SDHB: variants seen among roughly 807,000 people sequenced by gnomAD.
SDHB encodes the protein succinate dehydrogenase [ubiquinone] iron-sulfur subunit, mitochondrial.
SDHB carries 21 observed loss-of-function variants against 39.7 expected under a neutral mutation model. The ratio of observed to expected loss-of-function variants is 0.53; its 90% CI spans 0.37 to 0.76. SDHB has a LOEUF of 0.76. Among genes scored for constraint, SDHB ranks in the 30% least tolerant of loss-of-function variants. The pLI is 0.00. For missense variants in SDHB, 343 were observed against 350.9 expected, an observed-to-expected ratio of 0.98 and a Z score of 0.18; for synonymous variants, 118 against 117.0, an observed-to-expected ratio of 1.01 and a Z score of -0.06.
chr1:17,047,185 G>A (rs1356631513), intron 1 of SDHB, among the ~76,000 whole-genome samples: 1 of 151,878 alleles, frequency 6.6e-6, no homozygotes, highest in Non-Finnish European at 1.5e-5. Context: ...GTGAAACTCC[G>A]TCTCTACTAA....
At chr1:17,022,997 A>C in intron 6 of SDHB, 1 of 418,466 alleles carries the variant, frequency 2.4e-6, no homozygotes, top group Non-Finnish European at 4.5e-6. Flanking sequence ...TCATCTCCTA[A>C]TTATTTCACA....
intron 1 of SDHB, among the ~76,000 whole-genome samples, chr1:17,050,477 C>T (rs1373668563): frequency 6.6e-6 from 1 of 151,758 alleles, no homozygotes; most frequent in East Asian, 1.9e-4. Context: ...GGTGAAACCC[C>T]GTCTCTACTA....
chr1:17,020,999 C>G (rs1004471781), intron 7 of SDHB, among the ~76,000 whole-genome samples: 2 of 152,252 alleles, frequency 1.3e-5, no homozygotes, highest in Non-Finnish European at 2.9e-5. Flanking sequence ...TTGCCGCCCA[C>G]TGACTCACTG....
At chr1:17,033,870 T>C (rs2078035520) in intron 2 of SDHB, among the ~76,000 whole-genome samples, 3 of 152,260 alleles carry the variant, frequency 2.0e-5, no homozygotes, top group African/African-American at 7.2e-5. Flanking sequence ...ATATAAATCA[T>C]AGTTTAACTA....
intron 2 of SDHB, among the ~76,000 whole-genome samples, chr1:17,038,788 T>G (rs2078063222): frequency 6.6e-6 from 1 of 152,244 alleles, no homozygotes; most frequent in African/African-American, 2.4e-5. Context: ...TAATTCAAAT[T>G]CCTTATAGTT....
intron 2 of SDHB, 80 bp from the exon 3 acceptor site, chr1:17,033,225 TG>T: frequency 9.1e-7 from 1 of 1,095,582 alleles, no homozygotes; most frequent in Non-Finnish European, 1.4e-6. Context: ...CGGAGACACC[TG>T]GATGTATTAG....
At chr1:17,022,881 A>T in intron 6 of SDHB, 151 bp from the exon 7 acceptor site, 4 of 1,007,658 alleles carry the variant, frequency 4.0e-6, no homozygotes, top group Non-Finnish European at 5.9e-6. Flanking sequence ...TCCATCTTTC[A>T]AGGAAAGGTT....
In SDHB at chr1:17,022,648, C is replaced by T. The variant is rs74315368; in HGVS notation, c.725G>A (p.Arg242His). The change falls in exon 7 of 8, where the codon CGC becomes CAC. Residue 242 changes from arginine (R) to histidine (H), a missense_variant. Coordinates refer to ENST00000375499, the MANE Select transcript of SDHB (RefSeq NM_003000.3). ...AKLQDPFSLYRCHTIMNCTRT... is the reference protein window; with the variant it reads ...AKLQDPFSLYHCHTIMNCTRT... ...TGTGCAGTTCATGATGGTGTGGCAGCGGTATAGAGAGAATGGGTCCTGCAG... is the reference window on the plus strand; with the variant it reads ...TGTGCAGTTCATGATGGTGTGGCAGTGGTATAGAGAGAATGGGTCCTGCAG... 1.1e-5 allele frequency: 18 copies of T among 1,613,846 alleles called. No homozygotes were observed. Among genetic ancestry groups the T allele is most frequent in the African/African-American group, 4.0e-5 (3 of 74,910 alleles).
rs2101521469 is a variant in SDHB, at chr1:17,027,718, C to T, written c.540+31G>A. 7.9e-7 allele frequency: 1 copy of T among 1,261,764 alleles called. No homozygotes were observed. Among genetic ancestry groups the T allele is most frequent in the Non-Finnish European group, 1.2e-6 (1 of 858,380 alleles). 78.2% of individuals were successfully genotyped at this position (1,261,764 alleles called of 1,614,324 possible). A position where few individuals can be genotyped will look rare whatever the true frequency, so the allele number is the denominator to read the frequency against. On this transcript the variant is annotated intron_variant, in intron 5 of 7. Coordinates refer to ENST00000375499, the MANE Select transcript of SDHB (RefSeq NM_003000.3). ...GCAATCATCTTTGCAATAAATTCTT[C>T]AGATTGAAACAATAAATAGGGACTA... is the stretch of plus-strand genomic sequence containing the variant.
At chr1:17,023,165 CT>C (rs1276316750) in intron 6 of SDHB, 1 of 300,052 alleles carries the variant, frequency 3.3e-6, no homozygotes, top group Admixed American at 4.6e-5. Context: ...ATTTGTCCCA[CT>C]TAATGATTCT....
chr1:17,019,670 C>G (rs567208683), intron 7 of SDHB, among the ~76,000 whole-genome samples: 21 of 151,764 alleles, frequency 1.4e-4, no homozygotes, highest in South Asian at 1.0e-3. Flanking sequence ...AAGTCTACCC[C>G]CCTAAAAAAG....
intron 3 of SDHB, among the ~76,000 whole-genome samples, chr1:17,029,894 C>T (rs1316545302): frequency 4.6e-5 from 7 of 152,126 alleles, no homozygotes; most frequent in Non-Finnish European, 7.3e-5. Flanking sequence ...CCGCCATGTG[C>T]GGCGAATTCA....
intron 2 of SDHB, among the ~76,000 whole-genome samples, chr1:17,037,093 C>T (rs544381249): frequency 3.4e-4 from 51 of 151,932 alleles, no homozygotes; most frequent in African/African-American, 8.7e-4. Flanking sequence ...GTTTCAGAGT[C>T]GGATTAGAAG....
At chr1:17,046,292 G>A (rs928836506) in intron 1 of SDHB, among the ~76,000 whole-genome samples, 3 of 152,096 alleles carry the variant, frequency 2.0e-5, no homozygotes, top group African/African-American at 7.2e-5. Context: ...TATTTGGGAG[G>A]AAGTGAGAGG....
chr1:17,037,763 AT>A (rs2078057799), intron 2 of SDHB, among the ~76,000 whole-genome samples: 5 of 151,830 alleles, frequency 3.3e-5, no homozygotes, highest in Middle Eastern at 3.4e-3. Flanking sequence ...AGCCTGGCTA[AT>A]TTTTTGTTTG....
chr1:17,037,375 C>T (rs950792212), intron 2 of SDHB, among the ~76,000 whole-genome samples: 8 of 150,868 alleles, frequency 5.3e-5, no homozygotes, highest in African/African-American at 2.0e-4. Context: ...AATCATGGCT[C>T]ACTGCAGCCT....
chr1:17,028,546 T>C (rs1016879565), intron 4 of SDHB, 54 bp downstream of exon 4: 41 of 1,595,338 alleles, frequency 2.6e-5, no homozygotes, highest in African/African-American at 6.7e-5. Context: ...GTAACACACA[T>C]AGCACTGCCC....
At chr1:17,031,556 G>A (rs2078022895) in intron 3 of SDHB, among the ~76,000 whole-genome samples, 1 of 152,090 alleles carries the variant, frequency 6.6e-6, no homozygotes, top group Non-Finnish European at 1.5e-5. Flanking sequence ...TTTAACTGCC[G>A]CAGAATGTTC....
intron 3 of SDHB, 128 bp downstream of exon 3, chr1:17,032,932 G>T: frequency 1.3e-6 from 1 of 751,202 alleles, no homozygotes; most frequent in East Asian, 2.6e-5. Flanking sequence ...AAAGGAATTA[G>T]GTTGCACAGC....
Sources: allele counts gnomAD v4.1 joint callset (sites outside exome capture counted in the v4.1 genomes callset), GRCh38; gene constraint gnomAD v4.1.1; transcripts MANE v1.5; gene names NCBI Gene and HGNC (gene_info 2026-07-23, HGNC 2026-07-21).